The following ADAMTS2 variants were observed in gnomAD, a reference collection of about 807,000 sequenced individuals.
The protein encoded by ADAMTS2 is A disintegrin and metalloproteinase with thrombospondin motifs 2.
A neutral mutation model predicts 123.0 loss-of-function variants in ADAMTS2; 50 were observed. The ratio of observed to expected loss-of-function variants is 0.41; its 90% CI spans 0.32 to 0.51. The LOEUF (loss-of-function observed/expected upper bound fraction) is 0.51, where lower values mean the gene tolerates loss of function less well. Among genes scored for constraint, ADAMTS2 ranks in the 20% least tolerant of loss-of-function variants. The pLI is 0.35. For synonymous variants in ADAMTS2, 678 were observed against 695.4 expected, an observed-to-expected ratio of 0.98 and a Z score of 0.39; for missense variants, 1,494 against 1,705.2, an observed-to-expected ratio of 0.88 and a Z score of 2.18.
intron 3 of ADAMTS2, among the ~76,000 whole-genome samples, chr5:179,216,170 G>A (rs1043327971): frequency 5.6e-4 from 85 of 152,320 alleles, no homozygotes; most frequent in African/African-American, 2.0e-3. Flanking sequence ...GGAGGGTGGC[G>A]AGAAGTGACC....
intron 4 of ADAMTS2, among the ~76,000 whole-genome samples, chr5:179,182,190 A>G (rs1003908964): frequency 6.6e-6 from 1 of 152,174 alleles, no homozygotes; most frequent in East Asian, 1.9e-4. Context: ...CTGGGCAGCC[A>G]CCTGCATCCT....
chr5:179,200,496 G>A (rs575136714), intron 4 of ADAMTS2, among the ~76,000 whole-genome samples: 28 of 152,192 alleles, frequency 1.8e-4, no homozygotes, highest in African/African-American at 3.1e-4. Context: ...TGATCCGCCC[G>A]CCTTGGCCTC....
chr5:179,172,211 G>C lies in ADAMTS2; in HGVS notation c.975+8861C>G, dbSNP rs537340637. Among the ~76,000 whole-genome samples, 6 of 152,336 alleles carry C rather than the reference G, an allele frequency of 3.9e-5. No individual in the cohort carries two copies. In the South Asian group the frequency reaches 1.0e-3, roughly 26 times the overall value. On this transcript the variant is annotated intron_variant, in intron 5 of 21. Transcript: ENST00000251582. Reference sequence around the variant, plus strand: ...GCCCACCACAGGCATGAGCTGCCCTGGTTTGCTGGCTATGGATCTCAGCAC... The same window carrying C: ...GCCCACCACAGGCATGAGCTGCCCTCGTTTGCTGGCTATGGATCTCAGCAC...
At chr5:179,298,045 C>A (rs1293917807) in intron 2 of ADAMTS2, among the ~76,000 whole-genome samples, 1 of 152,136 alleles carries the variant, frequency 6.6e-6, no homozygotes. Flanking sequence ...CTCTCTCTGG[C>A]CGCCCCCAGC....
At position 179,141,689 on chromosome 5, in the gene ADAMTS2, C is replaced by T. The variant is rs188038202; in HGVS notation, c.1630-1654G>A. 1.1e-3 allele frequency among the ~76,000 whole-genome samples: 171 copies of T among 152,236 alleles called. 2 individuals are homozygous for T. Among genetic ancestry groups the T allele is most frequent in the African/African-American group, 3.7e-3 (154 of 41,544 alleles). Reference sequence around the variant, plus strand: ...GACAGAAGCTTTACTGCCAAGAAGACGGGGCTGCCTCTACTCCAAGCTCCC... The same window carrying T: ...GACAGAAGCTTTACTGCCAAGAAGATGGGGCTGCCTCTACTCCAAGCTCCC... On this transcript the variant is annotated intron_variant, in intron 10 of 21. Transcript: ENST00000251582.
chr5:179,298,692 G>T (rs973367833), intron 2 of ADAMTS2, among the ~76,000 whole-genome samples: 1 of 152,102 alleles, frequency 6.6e-6, no homozygotes, highest in South Asian at 2.1e-4. Context: ...GAGGGGTTGA[G>T]GGGGAGGCAT....
chr5:179,217,612 G>A (rs1308423700), intron 3 of ADAMTS2, among the ~76,000 whole-genome samples: 11 of 152,220 alleles, frequency 7.2e-5, no homozygotes, highest in Non-Finnish European at 8.8e-5. Context: ...TTATCATCTT[G>A]CTGTTGGGCG....
chr5:179,259,183 G>A (rs1766147738), intron 3 of ADAMTS2, among the ~76,000 whole-genome samples: 1 of 151,734 alleles, frequency 6.6e-6, no homozygotes. Context: ...CCCCAAACAA[G>A]CCCCGTCCTC....
chr5:179,132,996 C>A lies in ADAMTS2; in HGVS notation c.2086-96G>T. 1 of 1,508,442 alleles carries A rather than the reference C, an allele frequency of 6.6e-7. No individual in the cohort carries two copies. The highest frequency in any genetic ancestry group is 9.0e-7 in the Non-Finnish European group (1 of 1,115,048). The allele number at this position is 1,508,442 out of a possible 1,614,324, so 93.4% of individuals were successfully genotyped here. A position where few individuals can be genotyped will look rare whatever the true frequency, so the allele number is the denominator to read the frequency against. Reference sequence around the variant, plus strand: ...CCAGTCTCGAACACCTGGCCTCAAGCGATCCTCCTGCCTTGGCCTCCCAAA... The same window carrying A: ...CCAGTCTCGAACACCTGGCCTCAAGAGATCCTCCTGCCTTGGCCTCCCAAA... On this transcript the variant is annotated intron_variant, in intron 13 of 21. Coordinates refer to ENST00000251582, the MANE Select transcript of ADAMTS2 (RefSeq NM_014244.5). The surrounding 1 kb of genome is among the most constrained non-coding windows in gnomAD (Gnocchi z 6.1).
chr5:179,330,441 C>A (rs143031230), intron 2 of ADAMTS2, among the ~76,000 whole-genome samples: 1 of 152,372 alleles, frequency 6.6e-6, no homozygotes, highest in Non-Finnish European at 1.5e-5. Context: ...CCAATCAGGG[C>A]CACCTGCAAT....
In ADAMTS2 at chr5:179,242,116, T is replaced by C. The variant is rs961605083; in HGVS notation, c.688+30795A>G. Among the ~76,000 whole-genome samples, 4 of 152,198 alleles carry C rather than the reference T, an allele frequency of 2.6e-5. No individual in the cohort carries two copies. The highest frequency in any genetic ancestry group is 5.9e-5 in the Non-Finnish European group (4 of 68,040). On this transcript the variant is annotated intron_variant, in intron 3 of 21. Coordinates refer to ENST00000251582, the MANE Select transcript of ADAMTS2 (RefSeq NM_014244.5). This position sits in a 1 kb window ranked among gnomAD's most constrained non-coding sequence, Gnocchi z 4.2. ...ATCTGAACATTGGGAGAAAAAAATA[T>C]TCCCTTCCTGGCTCAGTAAGCTCAC...
chr5:179,221,646 C>T (rs900102791), intron 3 of ADAMTS2, among the ~76,000 whole-genome samples: 9 of 152,284 alleles, frequency 5.9e-5, no homozygotes, highest in African/African-American at 1.4e-4. Context: ...CATGCCCCTG[C>T]GCCTCCTGAG....
Position 179,181,193 on chromosome 5 carries a change from C to T in ADAMTS2, c.892-38G>A, listed in dbSNP as rs1764040485. 1 of 1,483,724 alleles carries T rather than the reference C, an allele frequency of 6.7e-7. No homozygotes were observed. Among genetic ancestry groups the T allele is most frequent in the African/African-American group, 1.4e-5 (1 of 72,454 alleles). 91.9% of individuals were successfully genotyped at this position (1,483,724 alleles called of 1,614,324 possible). On this transcript the variant is annotated intron_variant, in intron 4 of 21. Transcript: ENST00000251582. The surrounding 1 kb of genome is among the most constrained non-coding windows in gnomAD (Gnocchi z 4.1). ...GGGAGGCATCAGCGGGAACCACAGG[C>T]CCTAGGACTGGCTCTGGCTCTGCCA...
intron 4 of ADAMTS2, among the ~76,000 whole-genome samples, chr5:179,196,529 A>G (rs1031319610): frequency 1.3e-5 from 2 of 152,178 alleles, no homozygotes; most frequent in African/African-American, 4.8e-5. Flanking sequence ...AGTTCATTCT[A>G]TCCTTTAAAA....
chr5:179,328,212 TTAG>T (rs1757365057), intron 2 of ADAMTS2, among the ~76,000 whole-genome samples: 2 of 152,328 alleles, frequency 1.3e-5, no homozygotes, highest in Admixed American at 1.3e-4. Context: ...TTTTGTATTT[TTAG>T]TAGAGACGGG....
intron 3 of ADAMTS2, among the ~76,000 whole-genome samples, chr5:179,271,149 G>T (rs1465043617): frequency 1.3e-5 from 2 of 152,194 alleles, no homozygotes; most frequent in South Asian, 2.1e-4. Flanking sequence ...TATGTGGATT[G>T]GGGGTGGGGG....
At chr5:179,281,402 T>C (rs1332226570) in intron 2 of ADAMTS2, among the ~76,000 whole-genome samples, 6 of 152,240 alleles carry the variant, frequency 3.9e-5, no homozygotes. Context: ...TCTCTATGAA[T>C]TGGCCTATTC....
At chr5:179,126,204 C>T in intron 17 of ADAMTS2, 74 bp from the exon 18 acceptor site, 2 of 1,593,446 alleles carry the variant, frequency 1.3e-6, no homozygotes, top group East Asian at 4.5e-5. Context: ...GGGTGGGCTG[C>T]ACCAGCAGTG....
intron 3 of ADAMTS2, among the ~76,000 whole-genome samples, chr5:179,220,825 T>C (rs1581200034): frequency 1.3e-5 from 2 of 152,342 alleles, no homozygotes; most frequent in Non-Finnish European, 2.9e-5. Flanking sequence ...CCTGCGTTCA[T>C]GCAGGGTGGG....
Sources: gnomAD v4.1 joint callset for allele counts (sites outside exome capture counted in the v4.1 genomes callset) on GRCh38, gnomAD v4.1.1 for gene constraint, Gnocchi (gnomAD v3.1) non-coding constraint, MANE v1.5 for transcripts, NCBI Gene and HGNC (gene_info 2026-07-23, HGNC 2026-07-21) for gene names.